CFAP57: variants seen among roughly 807,000 people sequenced by gnomAD.
CFAP57 encodes cilia and flagella associated protein 57, also known as cilia- and flagella-associated protein 57.
In CFAP57, 116 loss-of-function variants were observed where a neutral mutation model predicts 146.8. The observed-to-expected ratio is 0.79, with a 90% CI of 0.68 to 0.92. The LOEUF (loss-of-function observed/expected upper bound fraction) is 0.92. CFAP57 is among the 40% of genes least tolerant of loss of function. The pLI, the probability that CFAP57 is intolerant of heterozygous loss-of-function variation, is 0.00. For synonymous variants in CFAP57, 518 were observed against 552.8 expected (o/e 0.94, Z 0.88); for missense variants, 1,377 against 1,527.2 (o/e 0.90, Z 1.64).
intron 2 of CFAP57, among the ~76,000 whole-genome samples, chr1:43,176,696 C>T (rs1645184891): frequency 6.6e-6 from 1 of 152,134 alleles, no homozygotes; most frequent in Admixed American, 6.6e-5. Flanking sequence ...AAAAGAAGTA[C>T]AGTCTACATG....
chr1:43,219,881 C>T (rs931742666), intron 13 of CFAP57, among the ~76,000 whole-genome samples: 2 of 152,114 alleles, frequency 1.3e-5, no homozygotes, highest in Admixed American at 1.3e-4. Flanking sequence ...ATCATCTGAA[C>T]CTGGGAAGTG....
intron 21 of CFAP57, among the ~76,000 whole-genome samples, chr1:43,242,677 G>A (rs1332565118): frequency 6.6e-6 from 1 of 152,158 alleles, no homozygotes; most frequent in Non-Finnish European, 1.5e-5. Flanking sequence ...AATGAATGAA[G>A]TATAGCACAG....
Position 43,199,454 on chromosome 1 carries a change from C to T in CFAP57, c.1493C>T (p.Thr498Ile). 6.2e-7 allele frequency: 1 copy of T among 1,614,146 alleles called. No individual in the cohort carries two copies. The highest frequency in any genetic ancestry group is 8.5e-7 in the Non-Finnish European group (1 of 1,180,044). ...AATGGAAATGTGATTCACGTTTACA[C>T]CACCACGAGCCTAGAGAACATCTCA... Reference protein sequence around the residue: ...AVNGNVIHVYTTTSLENISSL... With the variant: ...AVNGNVIHVYITTSLENISSL... The change falls in exon 9 of 23, where the codon ACC becomes ATC. Residue 498 changes from threonine (T) to isoleucine (I), a missense_variant. Transcript: ENST00000372492.
intron 18 of CFAP57, 85 bp from the exon 19 acceptor site, chr1:43,232,423 T>C: frequency 9.0e-7 from 1 of 1,107,508 alleles, no homozygotes. Flanking sequence ...AGGGGTGGCA[T>C]CCCCACTGAA....
At chr1:43,248,437 C>T (rs1265181226) in intron 22 of CFAP57, among the ~76,000 whole-genome samples, 3 of 151,334 alleles carry the variant, frequency 2.0e-5, no homozygotes, top group Non-Finnish European at 2.9e-5. Context: ...CCTGCCTCAG[C>T]CTCCCTCGTA....
intron 21 of CFAP57, among the ~76,000 whole-genome samples, chr1:43,242,240 G>A (rs1192451921): frequency 2.0e-5 from 3 of 152,268 alleles, no homozygotes; most frequent in Middle Eastern, 3.4e-3. Flanking sequence ...CATTCAGGCA[G>A]AAGGAAGCAT....
chr1:43,176,542 G>A (rs143043819), intron 2 of CFAP57, among the ~76,000 whole-genome samples: 1 of 152,270 alleles, frequency 6.6e-6, no homozygotes, highest in African/African-American at 2.4e-5. Context: ...TCATGATGAG[G>A]CTCAACATAT....
At position 43,189,651 on chromosome 1, in the gene CFAP57, G is replaced by A. The variant is rs1337280137; in HGVS notation, c.1122+2792G>A. Among the ~76,000 whole-genome samples, 4 of 152,066 alleles carry A rather than the reference G, an allele frequency of 2.6e-5. No individual in the cohort carries two copies. The East Asian group carries it at 7.7e-4, about 29-fold the overall frequency. On this transcript the variant is annotated intron_variant, in intron 6 of 22. Coordinates refer to ENST00000372492, the MANE Select transcript of CFAP57 (RefSeq NM_001378189.1). ...AGTAGTTTTTGTGTTAGGTTATTCT[G>A]GCATTGCTATAAACGAGTACCTGAG... is the stretch of plus-strand genomic sequence containing the variant.
intron 9 of CFAP57, among the ~76,000 whole-genome samples, chr1:43,205,462 G>T (rs1644317927): frequency 6.6e-6 from 1 of 152,216 alleles, no homozygotes; most frequent in Non-Finnish European, 1.5e-5. Context: ...AGTGACACTT[G>T]AGGTGTGTGC....
At chr1:43,222,032 G>A (rs950347656) in intron 14 of CFAP57, 73 bp from the exon 15 acceptor site, 15 of 1,345,184 alleles carry the variant, frequency 1.1e-5, no homozygotes, top group Middle Eastern at 2.4e-4. Flanking sequence ...ATGGGAGAGC[G>A]CCCAAGGCTC....
chr1:43,204,851 T>G (rs1644290520), intron 9 of CFAP57, among the ~76,000 whole-genome samples: 1 of 152,182 alleles, frequency 6.6e-6, no homozygotes, highest in South Asian at 2.1e-4. Flanking sequence ...GGTACAGCCT[T>G]GGGCATGCAC....
At position 43,206,870 on chromosome 1, in the gene CFAP57, G is replaced by C. The variant is rs141144474; in HGVS notation, c.1693G>C (p.Asp565His). 1 of 1,614,082 alleles carries C rather than the reference G, an allele frequency of 6.2e-7. No individual in the cohort carries two copies. The highest frequency in any genetic ancestry group is 8.5e-7 in the Non-Finnish European group (1 of 1,179,988). ...CTACAACTGTGTTACTGTCTCCCCC[G>C]ATGCCAAAATTATCTTTGCTGTTGG... ...CSYNCVTVSP[D>H]AKIIFAVGSD... Residue 565 changes from aspartate to histidine, a missense_variant, in exon 10 of 23, where the codon GAT (aspartate) becomes CAT (histidine). Transcript: ENST00000372492.
intron 11 of CFAP57, among the ~76,000 whole-genome samples, chr1:43,212,886 A>T (rs1187950234): frequency 6.7e-6 from 1 of 149,672 alleles, no homozygotes; most frequent in African/African-American, 2.4e-5. Flanking sequence ...GTGAGCTGGG[A>T]GATCGTGCCA....
At chr1:43,239,798 C>T (rs1407665557) in intron 21 of CFAP57, among the ~76,000 whole-genome samples, 4 of 152,162 alleles carry the variant, frequency 2.6e-5, no homozygotes, top group African/African-American at 2.4e-5. Flanking sequence ...GCAAGCTTCC[C>T]CCTGTGGCTC....
At chr1:43,204,613 A>G (rs1016791510) in intron 9 of CFAP57, among the ~76,000 whole-genome samples, 7 of 152,210 alleles carry the variant, frequency 4.6e-5, no homozygotes, top group Non-Finnish European at 1.0e-4. Context: ...TCTATTTTTC[A>G]TCTTTTCTTT....
chr1:43,202,540 C>T (rs6670739), intron 9 of CFAP57, among the ~76,000 whole-genome samples: 38,208 of 151,672 alleles, frequency 0.25, 6,611 homozygotes, highest in African/African-American at 0.48. Context: ...CTCAGTACTT[C>T]GGGAGGCTGA....
chr1:43,252,949 G>A (rs1646359896), intron 22 of CFAP57, among the ~76,000 whole-genome samples: 1 of 152,198 alleles, frequency 6.6e-6, no homozygotes. Flanking sequence ...AAAGAGGAGG[G>A]AGTGGGATAA....
rs184628638 is a variant in CFAP57 at position 43,253,996 on chromosome 1, C to T, written c.3558C>T (p.Leu1186=). The T allele has an allele frequency of 3.7e-5, 58 of 1,550,320 alleles. No homozygotes were observed. The East Asian group carries it at 1.1e-3, about 31-fold the overall frequency. ...VSETEPSRDM[L]STAPTARLNE... ...TTACAGAACCCAGCAGGGACATGCT[C>T]AGCACAGCTCCCACCGCAAGGTTGA... Residue 1186 remains leucine (L), a synonymous_variant, in exon 23 of 23, where the codon CTC becomes CTT. Coordinates refer to ENST00000372492, the MANE Select transcript of CFAP57 (RefSeq NM_001378189.1).
In CFAP57 at chr1:43,219,388, G is replaced by GTTA. The variant is rs780585265; in HGVS notation, c.2100_2102dup (p.Val700_Met701insIle). 93 of 1,550,156 alleles carry GTTA rather than the reference G, an allele frequency of 6.0e-5. 1 individual carries two copies. In the Admixed American group the frequency reaches 1.3e-3, roughly 21 times the overall value. On this transcript the variant is annotated inframe_insertion, in exon 13 of 23. Transcript: ENST00000372492. ...TTCTGTCCTTCTCCCAAAGGCTCAG[G>GTTA]TTATGTTGGAGCTAAAGACTCGTGT...
Sources: allele counts gnomAD v4.1 joint callset (sites outside exome capture counted in the v4.1 genomes callset), GRCh38; gene constraint gnomAD v4.1.1; transcripts MANE v1.5; gene names NCBI Gene and HGNC (gene_info 2026-07-23, HGNC 2026-07-21).